The following TUBD1 variants were observed in gnomAD, a reference collection of about 807,000 sequenced individuals.
The protein encoded by TUBD1 is tubulin delta 1, also known as tubulin delta chain.
In TUBD1, 38 loss-of-function variants were observed where a neutral mutation model predicts 51.2. The observed-to-expected ratio is 0.74, with a 90% CI of 0.57 to 0.97. The LOEUF (loss-of-function observed/expected upper bound fraction) is 0.97. Among genes scored for constraint, TUBD1 ranks in the 50% least tolerant of loss-of-function variants. The pLI is 0.00. For missense variants in TUBD1, 489 were observed against 538.4 expected, an observed-to-expected ratio of 0.91 and a Z score of 0.91; for synonymous variants, 169 against 178.2, an observed-to-expected ratio of 0.95 and a Z score of 0.41.
intron 5 of TUBD1, among the ~76,000 whole-genome samples, chr17:59,875,116 G>A (rs1327854383): frequency 5.4e-5 from 6 of 111,846 alleles, no homozygotes; most frequent in East Asian, 2.5e-4. Context: ...TTGTTCTGTC[G>A]CCAGGCTGGA....
At chr17:59,870,740 C>T (rs911766790) in intron 6 of TUBD1, among the ~76,000 whole-genome samples, 8 of 152,150 alleles carry the variant, frequency 5.3e-5, no homozygotes, top group Non-Finnish European at 8.8e-5. Context: ...AGATAAGATA[C>T]GCTGAGTATG....
intron 4 of TUBD1, 83 bp downstream of exon 4, chr17:59,880,811 G>C: frequency 7.5e-7 from 1 of 1,341,548 alleles, no homozygotes; most frequent in East Asian, 2.3e-5. Flanking sequence ...ACCGCACCTG[G>C]GTGGTGAGAG....
At chr17:59,887,965 C>T (rs930419161) in intron 2 of TUBD1, among the ~76,000 whole-genome samples, 27 of 150,376 alleles carry the variant, frequency 1.8e-4, no homozygotes, top group African/African-American at 5.1e-4. Flanking sequence ...GATGGAGTCT[C>T]GCTCTGTCCC....
intron 3 of TUBD1, chr17:59,885,404 T>C (rs570423478): frequency 5.5e-6 from 6 of 1,085,570 alleles, no homozygotes; most frequent in South Asian, 1.3e-5. Context: ...TTCGGCTTCA[T>C]GGCTCTCATG....
intron 5 of TUBD1, among the ~76,000 whole-genome samples, chr17:59,876,336 G>A (rs2040221980): frequency 6.6e-6 from 1 of 150,574 alleles, no homozygotes; most frequent in African/African-American, 2.5e-5. Flanking sequence ...ACACCACCAT[G>A]CCTAACTGTT....
chr17:59,876,603 C>T (rs1047677232), intron 5 of TUBD1, among the ~76,000 whole-genome samples: 4 of 151,836 alleles, frequency 2.6e-5, no homozygotes, highest in Non-Finnish European at 5.9e-5. Flanking sequence ...GTGATCTGTC[C>T]GTCTTGGCCT....
At chr17:59,884,477 G>T (rs12941679) in intron 3 of TUBD1, among the ~76,000 whole-genome samples, 21,544 of 151,716 alleles carry the variant, frequency 0.14, 1,659 homozygotes, top group Middle Eastern at 0.18. Flanking sequence ...AGCTGGGCAT[G>T]GTGGCAGGTA....
intron 6 of TUBD1, among the ~76,000 whole-genome samples, chr17:59,873,061 G>A (rs2040068284): frequency 6.6e-6 from 1 of 151,422 alleles, no homozygotes; most frequent in African/African-American, 2.4e-5. Flanking sequence ...CTGCGCCCAG[G>A]CCAATTCTCA....
intron 4 of TUBD1, 153 bp from the exon 5 acceptor site, chr17:59,878,487 TC>T: frequency 5.3e-6 from 3 of 568,708 alleles, no homozygotes; most frequent in Admixed American, 3.3e-5. Context: ...ATGCTCAGTT[TC>T]CTTTTTTTTT....
At chr17:59,871,142 A>G (rs2039963380) in intron 6 of TUBD1, among the ~76,000 whole-genome samples, 1 of 152,270 alleles carries the variant, frequency 6.6e-6, no homozygotes, top group South Asian at 2.1e-4. Flanking sequence ...TTCCCAACCT[A>G]GAATCCTATC....
At chr17:59,865,968 A>C (rs1368319533) in intron 7 of TUBD1, among the ~76,000 whole-genome samples, 1 of 151,490 alleles carries the variant, frequency 6.6e-6, no homozygotes, top group Non-Finnish European at 1.5e-5. Flanking sequence ...AAAATTAGCC[A>C]AGCATGCTGG....
At position 59,863,726 on chromosome 17, in the gene TUBD1, G is replaced by T; in HGVS notation, c.1197C>A (p.Ser399Arg). The part of the protein sequence containing the change: ...YEKSAVLVSN[S>R]QFLVKPLDMI... Reference sequence around the variant, plus strand: ...TATCAAGTGGTTTTACTAAGAACTGGCTGTTGCTGACCAACACTGCAGACT... The same window carrying T: ...TATCAAGTGGTTTTACTAAGAACTGTCTGTTGCTGACCAACACTGCAGACT... Residue 399 changes from serine (S) to arginine (R), a missense_variant, in exon 8 of 9, where the codon AGC becomes AGA. By Grantham distance (110) the Ser-to-Arg change is moderately radical. Transcript: ENST00000325752. The T allele has an allele frequency of 1.2e-6, 2 of 1,607,534 alleles. No homozygotes were observed. Among genetic ancestry groups the T allele is most frequent in the Non-Finnish European group, 1.7e-6 (2 of 1,178,114 alleles).
rs71145582 is a variant in TUBD1 at position 59,862,714 on chromosome 17, A to ATTTTTT, written c.1259+944_1259+949dup. ...ACCACTATGCCAAGCTAATTTTTGT[A>ATTTTTT]TTTTTTTTTTTTTTTTTTTTTTTTT... is the stretch of plus-strand genomic sequence containing the variant. On this transcript the variant is annotated intron_variant, in intron 8 of 8. Transcript: ENST00000325752. Among the ~76,000 whole-genome samples, 17 of 56,984 alleles carry ATTTTTT rather than the reference A, an allele frequency of 3.0e-4. 3 individuals are homozygous for ATTTTTT. Among genetic ancestry groups the ATTTTTT allele is most frequent in the Non-Finnish European group, 4.1e-4 (13 of 31,522 alleles). 37.4% of individuals were successfully genotyped at this position (56,984 alleles called of 152,430 possible).
intron 4 of TUBD1, among the ~76,000 whole-genome samples, chr17:59,879,289 A>C (rs933659751): frequency 2.6e-5 from 4 of 151,204 alleles, no homozygotes; most frequent in Non-Finnish European, 5.9e-5. Flanking sequence ...AAAAAAAGGA[A>C]AGAAATTTTC....
chr17:59,884,341 A>G (rs1457777850), intron 3 of TUBD1, among the ~76,000 whole-genome samples: 1 of 152,008 alleles, frequency 6.6e-6, no homozygotes, highest in Non-Finnish European at 1.5e-5. Flanking sequence ...GGCCAGGCGC[A>G]GTGACTCACG....
At chr17:59,874,014 C>T (rs202108386) in intron 6 of TUBD1, among the ~76,000 whole-genome samples, 1 of 151,524 alleles carries the variant, frequency 6.6e-6, no homozygotes, top group East Asian at 1.9e-4. Flanking sequence ...ACGGTGAAAC[C>T]CCGTCTCTAC....
chr17:59,880,843 T>G (rs1422689782), intron 4 of TUBD1, 51 bp downstream of exon 4: 1 of 1,534,256 alleles, frequency 6.5e-7, no homozygotes, highest in Non-Finnish European at 9.0e-7. Flanking sequence ...CCATATTTAT[T>G]TCTATTGCAA....
At chr17:59,871,154 C>T (rs2039964021) in intron 6 of TUBD1, among the ~76,000 whole-genome samples, 1 of 152,194 alleles carries the variant, frequency 6.6e-6, no homozygotes, top group African/African-American at 2.4e-5. Flanking sequence ...AATCCTATCC[C>T]TGGCCAAACT....
chr17:59,863,992 A>G, intron 7 of TUBD1, 145 bp from the exon 8 acceptor site: 1 of 697,938 alleles, frequency 1.4e-6, no homozygotes, highest in Non-Finnish European at 2.1e-6. Context: ...AGAGACTTCC[A>G]GAAATTTAGG....
Sources: gnomAD v4.1 joint callset for allele counts (sites outside exome capture counted in the v4.1 genomes callset) on GRCh38, gnomAD v4.1.1 for gene constraint, MANE v1.5 for transcripts, NCBI Gene and HGNC (gene_info 2026-07-23, HGNC 2026-07-21) for gene names.